The following GCSAML variants were observed in gnomAD, a reference collection of about 807,000 sequenced individuals.
GCSAML encodes the protein germinal center-associated signaling and motility-like protein.
A neutral mutation model predicts 13.0 loss-of-function variants in GCSAML; 9 were observed. The observed-to-expected ratio is 0.69, with a 90% confidence interval of 0.42 to 1.21. The LOEUF (loss-of-function observed/expected upper bound fraction) is 1.21, where lower values mean the gene tolerates loss of function less well. Among genes scored for constraint, GCSAML ranks in the 50% most tolerant of loss-of-function variants. The pLI, the probability that GCSAML is intolerant of heterozygous loss-of-function variation, is 0.00. For missense variants in GCSAML, 143 were observed against 153.4 expected, an observed-to-expected ratio of 0.93 and a Z score of 0.36; for synonymous variants, 37 against 52.9, an observed-to-expected ratio of 0.70 and a Z score of 1.31.
chr1:247,546,643 G>A (rs1366494570), upstream of GCSAML, among the ~76,000 whole-genome samples: 1 of 152,044 alleles, frequency 6.6e-6, no homozygotes, highest in Non-Finnish European at 1.5e-5. Context: ...TGACAGGTGT[G>A]AGCCACCGCG....
At chr1:247,554,822 A>T (rs1325754857) in intron 1 of GCSAML, among the ~76,000 whole-genome samples, 1 of 152,146 alleles carries the variant, frequency 6.6e-6, no homozygotes, top group Non-Finnish European at 1.5e-5. Flanking sequence ...TAGAGTTATG[A>T]AGTCATAAGT....
chr1:247,562,928 C>T (rs1668189444), intron 2 of GCSAML, among the ~76,000 whole-genome samples: 1 of 151,988 alleles, frequency 6.6e-6, no homozygotes, highest in Non-Finnish European at 1.5e-5. Context: ...CAACCTCTGC[C>T]TCCCGGGTTC....
At chr1:247,531,504 G>T in intron 2 of GCSAML, 1 of 1,574,786 alleles carries the variant, frequency 6.4e-7, no homozygotes. Flanking sequence ...AGGTCACTTT[G>T]CTCGATGTAA....
At chr1:247,529,077 A>G (rs1666800340) in intron 2 of GCSAML, 1 of 152,206 alleles carries the variant, frequency 6.6e-6, no homozygotes, top group African/African-American at 2.4e-5. Context: ...TTAGCATGTG[A>G]TTTGGCACTA....
chr1:247,518,333 T>C (rs1278883788), intron 1 of GCSAML: 1 of 152,406 alleles, frequency 6.6e-6, no homozygotes, highest in African/African-American at 2.4e-5. Flanking sequence ...ACGCCTGGCT[T>C]TCCCCGGCCA....
In GCSAML at chr1:247,535,624, A is replaced by T. The variant is rs749964636; in HGVS notation, c.-148+8570A>T. ...AAATGTGTAAATGATGCTGAGAGGA[A>T]CCACAAGGTCACTCATGAGGTAATA... On this transcript the variant is annotated intron_variant, in intron 2 of 5. Coordinates refer to the GCSAML transcript ENST00000366489. Among the ~76,000 whole-genome samples, 200 of 152,216 alleles carry T rather than the reference A, an allele frequency of 1.3e-3. 2 individuals are homozygous for T. Among genetic ancestry groups the T allele is most frequent in the Non-Finnish European group, 2.9e-5 (2 of 68,038 alleles).
At chr1:247,566,282 A>C (rs916998486) in intron 4 of GCSAML, among the ~76,000 whole-genome samples, 3 of 152,198 alleles carry the variant, frequency 2.0e-5, no homozygotes, top group Non-Finnish European at 4.4e-5. Flanking sequence ...ACACTCTGTC[A>C]TCCAGGCTGG....
At chr1:247,554,812 T>G (rs1331764977) in intron 1 of GCSAML, among the ~76,000 whole-genome samples, 1 of 152,156 alleles carries the variant, frequency 6.6e-6, no homozygotes, top group Non-Finnish European at 1.5e-5. Context: ...ACTTTCTTTG[T>G]AGAGTTATGA....
intron 1 of GCSAML, among the ~76,000 whole-genome samples, chr1:247,514,336 C>T (rs774317863): frequency 9.2e-5 from 14 of 152,048 alleles, no homozygotes; most frequent in African/African-American, 1.7e-4. Context: ...TTTTTTCTCT[C>T]GCACTGATTT....
chr1:247,572,620 C>G (rs527291993), intron 4 of GCSAML, among the ~76,000 whole-genome samples: 3 of 152,298 alleles, frequency 2.0e-5, no homozygotes, highest in Admixed American at 2.0e-4. Context: ...CTGGAGCTCT[C>G]TTGTATGAGG....
At chr1:247,542,888 TGGA>T (rs1247073834) in intron 2 of GCSAML, among the ~76,000 whole-genome samples, 1 of 152,202 alleles carries the variant, frequency 6.6e-6, no homozygotes, top group Non-Finnish European at 1.5e-5. Context: ...AGATAATCAG[TGGA>T]GGAGTAATTG....
intron 1 of GCSAML, among the ~76,000 whole-genome samples, chr1:247,510,913 C>A (rs1487241057): frequency 6.6e-6 from 1 of 152,120 alleles, no homozygotes; most frequent in Non-Finnish European, 1.5e-5. Flanking sequence ...TGTTTTACTT[C>A]CAATTATGTG....
upstream of GCSAML, among the ~76,000 whole-genome samples, chr1:247,546,458 A>C (rs144520591): frequency 0.012 from 1,815 of 152,220 alleles, 30 homozygotes; most frequent in African/African-American, 0.04. Context: ...TTCCGGGTTC[A>C]CGCCATTCTC....
rs1668822378 is a variant in GCSAML at position 247,576,007 on chromosome 1, A to T, written c.*1625A>T. The stretch of plus-strand genomic sequence containing the variant: ...CCTTAGATGAGATGCTTGGGACCAG[A>T]AGTGTTTTGGATTTCAGATTTATTT... On this transcript the variant is annotated 3_prime_UTR_variant, in exon 5 of 5. Transcript: ENST00000366488. The T allele has an allele frequency of 1.3e-5, 2 of 152,136 alleles. No homozygotes were observed. Among genetic ancestry groups the T allele is most frequent in the South Asian group, 4.1e-4 (2 of 4,822 alleles). 9.4% of individuals were successfully genotyped at this position (152,136 alleles called of 1,614,324 possible).
chr1:247,525,241 ACAAT>A (rs756927566), intron 1 of GCSAML: 1 of 152,212 alleles, frequency 6.6e-6, no homozygotes, highest in Non-Finnish European at 1.5e-5. Context: ...CACCAAGCAA[ACAAT>A]CAATCCTATG....
At chr1:247,546,485 A>C (rs1259518018), upstream of GCSAML, among the ~76,000 whole-genome samples, 1 of 151,928 alleles carries the variant, frequency 6.6e-6, no homozygotes, top group East Asian at 2.0e-4. Flanking sequence ...CAGCCTCCCG[A>C]GTAGCTGGGA....
chr1:247,572,283 C>T (rs947069027), intron 4 of GCSAML, among the ~76,000 whole-genome samples: 1 of 152,084 alleles, frequency 6.6e-6, no homozygotes, highest in Non-Finnish European at 1.5e-5. Flanking sequence ...AAGAGGCATT[C>T]TGGTATTTGG....
At chr1:247,562,864 G>A (rs1448184237) in intron 2 of GCSAML, among the ~76,000 whole-genome samples, 2 of 151,416 alleles carry the variant, frequency 1.3e-5, no homozygotes, top group Non-Finnish European at 2.9e-5. Context: ...TTTTTGAGAT[G>A]GAGACTCGCT....
chr1:247,544,804 A>G (rs1459331608), upstream of GCSAML, among the ~76,000 whole-genome samples: 4 of 152,174 alleles, frequency 2.6e-5, no homozygotes, highest in Non-Finnish European at 5.9e-5. Flanking sequence ...GCAGTGAGCA[A>G]AGATCACACG....
Sources: allele counts gnomAD v4.1 joint callset (sites outside exome capture counted in the v4.1 genomes callset), GRCh38; gene constraint gnomAD v4.1.1; transcripts MANE v1.5; gene names NCBI Gene and HGNC (gene_info 2026-07-23, HGNC 2026-07-21).